Variants in PATL2 observed in about 807,000 individuals in gnomAD.
The protein encoded by PATL2 is protein PAT1 homolog 2.
PATL2 carries 73 observed loss-of-function variants against 77.0 expected under a neutral mutation model. The observed-to-expected ratio is 0.95, with a 90% CI of 0.78 to 1.15. The LOEUF (loss-of-function observed/expected upper bound fraction) is 1.15. Among genes scored for constraint, PATL2 ranks in the 50% most tolerant of loss-of-function variants. The pLI is 0.00. For missense variants in PATL2, 618 were observed against 655.4 expected, an observed-to-expected ratio of 0.94 and a Z score of 0.62; for synonymous variants, 265 against 257.1, an observed-to-expected ratio of 1.03 and a Z score of -0.29.
intron 3 of PATL2, among the ~76,000 whole-genome samples, chr15:44,705,704 G>T (rs2086720071): frequency 1.3e-5 from 2 of 150,958 alleles, no homozygotes; most frequent in Admixed American, 6.6e-5. Flanking sequence ...CATAATTTTT[G>T]CTTGATTCTT....
rs1449662290 is a variant in PATL2, at chr15:44,665,785, C to G, written c.*168G>C. ...TATTATGCCATGTCTTATTTTTAGG[C>G]ACATCATTTAGATTTTTGAAGAAAG... is the stretch of plus-strand genomic sequence containing the variant. On this transcript the variant is annotated 3_prime_UTR_variant, in exon 18 of 18. Coordinates refer to ENST00000682850, the MANE Select transcript of PATL2 (RefSeq NM_001387263.1). 1 of 1,501,148 alleles carries G rather than the reference C, an allele frequency of 6.7e-7. No homozygotes were observed. Among genetic ancestry groups the G allele is most frequent in the African/African-American group, 1.4e-5 (1 of 70,564 alleles). 93.0% of individuals were successfully genotyped at this position (1,501,148 alleles called of 1,614,324 possible).
intron 3 of PATL2, among the ~76,000 whole-genome samples, chr15:44,685,161 C>G (rs2086225211): frequency 1.3e-5 from 2 of 152,182 alleles, no homozygotes; most frequent in Non-Finnish European, 1.5e-5. Flanking sequence ...TTGTAAAGAC[C>G]ATCAACACTA....
At chr15:44,668,585 C>T in intron 14 of PATL2, 103 bp from the exon 15 acceptor site, 1 of 1,402,058 alleles carries the variant, frequency 7.1e-7, no homozygotes, top group Non-Finnish European at 9.5e-7. Context: ...TTTGGCACGT[C>T]CTGGTGAGGT....
At chr15:44,703,001 C>T (rs374624478) in intron 3 of PATL2, among the ~76,000 whole-genome samples, 7 of 152,180 alleles carry the variant, frequency 4.6e-5, no homozygotes, top group African/African-American at 1.7e-4. Context: ...TCTGGCCAGG[C>T]ACGGTGGCTC....
In PATL2 at chr15:44,675,487, T is replaced by G; in HGVS notation, c.221A>C (p.Gln74Pro). 4 of 1,551,036 alleles carry G rather than the reference T, an allele frequency of 2.6e-6. No individual in the cohort carries two copies. The highest frequency in any genetic ancestry group is 3.5e-6 in the Non-Finnish European group (4 of 1,146,514). The part of the protein sequence containing the change: ...PAVLGAVHNT[Q>P]RALLSSPGVK... ...TCCCATTCCCTTCTGCCATGGTACCTGGGTGTTGTGGACAGCACCAAGTAC... is the reference window on the plus strand; with the variant it reads ...TCCCATTCCCTTCTGCCATGGTACCGGGGTGTTGTGGACAGCACCAAGTAC... Residue 74 changes from glutamine (Q) to proline (P), a missense_variant and splice_region_variant, in exon 5 of 18, where the codon CAG (glutamine) becomes CCG (proline). Gln to Pro is a moderately conservative substitution (Grantham distance 76). Coordinates refer to ENST00000682850, the MANE Select transcript of PATL2 (RefSeq NM_001387263.1).
chr15:44,672,237 T>C, intron 8 of PATL2, 81 bp from the exon 9 acceptor site: 1 of 1,547,478 alleles, frequency 6.5e-7, no homozygotes, highest in Non-Finnish European at 8.7e-7. Flanking sequence ...GAAGTGGGGC[T>C]CTCTGGGAAG....
chr15:44,673,288 T>G lies in PATL2; in HGVS notation c.393A>C (p.Ser131=), dbSNP rs2085781584. The G allele has an allele frequency of 3.2e-6, 5 of 1,551,496 alleles. No homozygotes were observed. In the Admixed American group the frequency reaches 9.8e-5, roughly 30 times the overall value. ...GGCTGCAGAAGAGAGTTGGGTCTGG[T>G]GAGGGCAGCCGAGGTCCAAAGTGCT... ...PAQHFGPRLP[S]PDPTLFCSLL... Residue 131 remains serine (S), a synonymous_variant, in exon 7 of 18, where the codon TCA becomes TCC. Transcript: ENST00000682850.
chr15:44,680,798 C>T (rs2086117576), intron 3 of PATL2, among the ~76,000 whole-genome samples: 1 of 152,152 alleles, frequency 6.6e-6, no homozygotes. Context: ...GTGGTGGCAA[C>T]AGGGACAAAC....
chr15:44,666,026 T>A, intron 17 of PATL2, 55 bp from the exon 18 acceptor site: 1 of 1,426,752 alleles, frequency 7.0e-7, no homozygotes, highest in Non-Finnish European at 9.5e-7. Flanking sequence ...CAAGTATTTA[T>A]ATGATTTAAT....
intron 3 of PATL2, among the ~76,000 whole-genome samples, chr15:44,689,524 T>C (rs1044966259): frequency 6.6e-6 from 1 of 152,186 alleles, no homozygotes; most frequent in African/African-American, 2.4e-5. Context: ...TGGAATACTA[T>C]GCAGCCATGA....
At chr15:44,692,970 A>G (rs776662075) in intron 3 of PATL2, among the ~76,000 whole-genome samples, 14 of 152,238 alleles carry the variant, frequency 9.2e-5, no homozygotes, top group Non-Finnish European at 2.1e-4. Flanking sequence ...AGGGCTCCTG[A>G]CCAAGCCAGG....
chr15:44,668,879 C>T, intron 14 of PATL2, 101 bp downstream of exon 14: 1 of 1,366,406 alleles, frequency 7.3e-7, no homozygotes. Flanking sequence ...CTGTGCCCAG[C>T]ACCTTCTCTG....
intron 3 of PATL2, among the ~76,000 whole-genome samples, chr15:44,695,592 G>C (rs1461662259): frequency 6.6e-6 from 1 of 152,152 alleles, no homozygotes; most frequent in Non-Finnish European, 1.5e-5. Context: ...ATAAAATCCA[G>C]GGCACCGGCT....
rs770436502 is a variant in PATL2 at position 44,669,410 on chromosome 15, A to G, written c.934T>C (p.Phe312Leu). 3 of 1,549,758 alleles carry G rather than the reference A, an allele frequency of 1.9e-6. No individual in the cohort carries two copies. The highest frequency in any genetic ancestry group is 2.6e-6 in the Non-Finnish European group (3 of 1,145,346). ...TCCTCTATTTCTAGTAACTGAAGGA[A>G]CATCTGGGAATTTGAGGGTGGAAAA... ...LRVLYRIEKMFLQLLEIEEGW... is the reference protein window; with the variant it reads ...LRVLYRIEKMLLQLLEIEEGW... Residue 312 changes from phenylalanine (F) to leucine (L), a missense_variant, in exon 13 of 18, where the codon TTC (phenylalanine) becomes CTC (leucine). By Grantham distance (22) the Phe-to-Leu change is conservative (BLOSUM62 0). Coordinates refer to ENST00000682850, the MANE Select transcript of PATL2 (RefSeq NM_001387263.1).
chr15:44,670,213 T>C, intron 9 of PATL2, 126 bp from the exon 10 acceptor site: 1 of 1,315,646 alleles, frequency 7.6e-7, no homozygotes, highest in Non-Finnish European at 1.0e-6. Flanking sequence ...TAAGTTTTGT[T>C]GTTTGAGACA....
Position 44,668,991 on chromosome 15 carries a change from C to T in PATL2, c.1213G>A (p.Val405Met). The T allele has an allele frequency of 1.3e-6, 2 of 1,545,300 alleles. No individual in the cohort carries two copies. Among genetic ancestry groups the T allele is most frequent in the South Asian group, 1.2e-5 (1 of 83,186 alleles). ...CAATGCCACAGTACCTGATCAGCCA[C>T]ATCCCTCCGGACCAGGAGGGGCAGA... ...HHLPLLVRRD[V>M]ADQALQMLFK... The change falls in exon 14 of 18, where the codon GTG becomes ATG. Residue 405 changes from valine (V) to methionine (M), a missense_variant. Coordinates refer to ENST00000682850, the MANE Select transcript of PATL2 (RefSeq NM_001387263.1).
chr15:44,668,033 TA>T (rs1197645881), intron 15 of PATL2, among the ~76,000 whole-genome samples: 7 of 152,234 alleles, frequency 4.6e-5, no homozygotes, highest in African/African-American at 9.6e-5. Context: ...TGGTTTAGAA[TA>T]TTTTTTTACT....
chr15:44,705,811 G>GTTTCTTTTTTTT (rs2086722976), intron 3 of PATL2, among the ~76,000 whole-genome samples: 1 of 135,394 alleles, frequency 7.4e-6, no homozygotes, highest in Non-Finnish European at 1.5e-5. Context: ...TCAAAACATT[G>GTTTCTTTTTTTT]TTTTTTTTTA....
In PATL2 at chr15:44,676,543, T is replaced by C; in HGVS notation, c.-53A>G. 6.4e-7 allele frequency: 1 copy of C among 1,550,944 alleles called. No homozygotes were observed. The highest frequency in any genetic ancestry group is 1.4e-5 in the African/African-American group (1 of 73,098). On this transcript the variant is annotated 5_prime_UTR_variant, in exon 4 of 18. The change abolishes an upstream ATG in the 5' untranslated region. Coordinates refer to ENST00000682850, the MANE Select transcript of PATL2 (RefSeq NM_001387263.1). ...AGCCGTGTCCTCCAGTGAAACAGCA[T>C]TGCCAGCCTCTGGAAGGTAAACCTG...
Sources: allele counts gnomAD v4.1 joint callset (sites outside exome capture counted in the v4.1 genomes callset), GRCh38; gene constraint gnomAD v4.1.1; transcripts MANE v1.5; gene names NCBI Gene and HGNC (gene_info 2026-07-23, HGNC 2026-07-21).